UNC80: variants seen among roughly 807,000 people sequenced by gnomAD.
UNC80 encodes the protein unc-80 subunit of NALCN channel complex.
Under a neutral mutation model 384.6 loss-of-function variants are expected in UNC80, and 164 were observed. That is an observed-to-expected ratio of 0.43 (90% CI 0.38 to 0.49). The LOEUF is 0.49. Among genes scored for constraint, UNC80 ranks in the 20% least tolerant of loss-of-function variants. The probability of loss-of-function intolerance (pLI) is 0.00; values close to 1 mark genes in which losing one functional copy is unlikely to be tolerated. For synonymous variants in UNC80, 1,486 were observed against 1,527.8 expected, an observed-to-expected ratio of 0.97 and a Z score of 0.64; for missense variants, 3,330 against 4,143.0, an observed-to-expected ratio of 0.80 and a Z score of 5.39.
chr2:209,829,480 A>T, intron 15 of UNC80, 101 bp downstream of exon 15: 1 of 1,262,990 alleles, frequency 7.9e-7, no homozygotes, highest in East Asian at 2.5e-5. Context: ...ATTTAGAGGA[A>T]AAGATACGTA....
intron 38 of UNC80, among the ~76,000 whole-genome samples, chr2:209,932,451 G>T (rs2090950801): frequency 6.6e-6 from 1 of 152,152 alleles, no homozygotes; most frequent in South Asian, 2.1e-4. Context: ...TGTGGAAAGA[G>T]CCCAAAGAGG....
At chr2:209,929,251 C>G (rs1451175399) in intron 36 of UNC80, among the ~76,000 whole-genome samples, 8 of 152,166 alleles carry the variant, frequency 5.3e-5, no homozygotes, top group Non-Finnish European at 1.2e-4. Flanking sequence ...TACCCACTTG[C>G]TTTCTTAGTC....
At chr2:209,905,897 C>G (rs2088137497) in intron 29 of UNC80, among the ~76,000 whole-genome samples, 1 of 152,202 alleles carries the variant, frequency 6.6e-6, no homozygotes, top group Admixed American at 6.5e-5. Flanking sequence ...AAATTTTCCA[C>G]CTGCCCCTGA....
chr2:209,971,021 G>A lies in UNC80; in HGVS notation c.8256+64G>A, dbSNP rs1365780777. On this transcript the variant is annotated intron_variant, in intron 54 of 64. Transcript: ENST00000673920. ...GCTGGTTGAGGCACCAGATCATGGT[G>A]TTCTCGTTTTTTTCTGCAAAGGCTG... 12 of 1,498,436 alleles carry A rather than the reference G, an allele frequency of 8.0e-6. No homozygotes were observed. In the East Asian group the frequency reaches 3.0e-4, roughly 37 times the overall value. 92.8% of individuals were successfully genotyped at this position (1,498,436 alleles called of 1,614,324 possible). A position where few individuals can be genotyped will look rare whatever the true frequency, so the allele number is the denominator to read the frequency against.
chr2:209,954,224 G>A lies in UNC80; in HGVS notation c.7411G>A (p.Ala2471Thr). 2 of 1,550,946 alleles carry A rather than the reference G, an allele frequency of 1.3e-6. No individual in the cohort carries two copies. The highest frequency in any genetic ancestry group is 1.7e-6 in the Non-Finnish European group (2 of 1,146,890). ...GGAGATTGCGGCCACTGCTGCTCTT[G>A]CGACGTCCCTACAGGCCCTTTTGTA... ...REEIAATAAL[A>T]TSLQALLYSV... The change falls in exon 48 of 65, where the codon GCG becomes ACG. Residue 2471 changes from alanine (A) to threonine (T), a missense_variant. Transcript: ENST00000673920.
rs1276181030 is a variant in UNC80, at chr2:209,816,921, A to G, written c.1348A>G (p.Lys450Glu). Residue 450 changes from lysine to glutamate, a missense_variant, in exon 10 of 65, where the codon AAA becomes GAA. Physicochemically the swap from Lys to Glu is moderately conservative, Grantham distance 56. This residue lies in a region of UNC80 where 937 missense variants were observed against 1,026.8 expected (regional missense o/e 0.91). Transcript: ENST00000673920. ...CTCATCACTGTAGTTCAAGAGCCGCAAAGAAGACCGAGAGAGGAAAGGCTC... is the reference window on the plus strand; with the variant it reads ...CTCATCACTGTAGTTCAAGAGCCGCGAAGAAGACCGAGAGAGGAAAGGCTC... ...MNIFKKFKSR[K>E]EDRERKGSIP... 1.3e-6 allele frequency: 2 copies of G among 1,551,674 alleles called. No individual in the cohort carries two copies. The highest frequency in any genetic ancestry group is 1.7e-6 in the Non-Finnish European group (2 of 1,146,994).
chr2:209,964,439 C>T (rs1385614760), intron 51 of UNC80, among the ~76,000 whole-genome samples: 6 of 152,040 alleles, frequency 3.9e-5, no homozygotes, highest in African/African-American at 4.8e-5. Flanking sequence ...TAAATTACAC[C>T]GTGGAGATTC....
intron 53 of UNC80, chr2:209,970,206 C>CTT: frequency 3.2e-6 from 1 of 313,272 alleles, no homozygotes; most frequent in Non-Finnish European, 5.9e-6. Context: ...GCACAATTGG[C>CTT]TAGAAGTTGA....
chr2:209,896,350 G>A lies in UNC80; in HGVS notation c.4518G>A (p.Glu1506=), dbSNP rs2086795254. 6.4e-7 allele frequency: 1 copy of A among 1,551,714 alleles called. No individual in the cohort carries two copies. ...GGAGTGCAAGCGAGCCCAGCATTGA[G>A]CCAGAGGGAATGAGTAATGCCGGCG... The part of the protein sequence containing the change: ...SPWSASEPSI[E]PEGMSNAGAE... The change falls in exon 28 of 65, where the codon GAG becomes GAA. Residue 1506 remains glutamate, a synonymous_variant. Transcript: ENST00000673920.
At chr2:209,950,063 C>T (rs2092097334) in intron 47 of UNC80, among the ~76,000 whole-genome samples, 1 of 151,906 alleles carries the variant, frequency 6.6e-6, no homozygotes, top group Admixed American at 6.6e-5. Context: ...AACTCCTGAG[C>T]TCAAGTGTTC....
chr2:209,968,121 T>A (rs1254245342), intron 52 of UNC80: 1 of 153,556 alleles, frequency 6.5e-6, no homozygotes, highest in Non-Finnish European at 1.4e-5. Context: ...AACAAACACC[T>A]AGTTTTCACT....
chr2:209,826,552 C>T (rs182806481), intron 14 of UNC80, among the ~76,000 whole-genome samples: 2 of 152,228 alleles, frequency 1.3e-5, no homozygotes, highest in East Asian at 3.9e-4. Context: ...CATTTTCTGG[C>T]TGCTTTATTT....
chr2:209,995,157 G>A (rs1326363489), intron 64 of UNC80, among the ~76,000 whole-genome samples, 172 bp from the exon 65 acceptor site: 1 of 152,180 alleles, frequency 6.6e-6, no homozygotes, highest in Non-Finnish European at 1.5e-5. Context: ...TTCAAAAACT[G>A]AGGGTTAGAA....
chr2:209,867,116 ATTAT>A lies in UNC80; in HGVS notation c.3628-5638_3628-5635del, dbSNP rs1218851566. Reference sequence around the variant, plus strand: ...ATTCCTTGGCACTTTATCTGTAGGAATTATTTAAGACCTGTGTTAGAAGTAGTGT... The same window carrying A: ...ATTCCTTGGCACTTTATCTGTAGGAATTAAGACCTGTGTTAGAAGTAGTGT... On this transcript the variant is annotated intron_variant, in intron 22 of 64. Coordinates refer to ENST00000673920, the MANE Select transcript of UNC80 (RefSeq NM_001371986.1). Among the ~76,000 whole-genome samples, 3 of 152,246 alleles carry A rather than the reference ATTAT, an allele frequency of 2.0e-5. No homozygotes were observed. The East Asian group carries it at 5.8e-4, about 29-fold the overall frequency.
intron 27 of UNC80, among the ~76,000 whole-genome samples, chr2:209,895,416 C>G (rs1396089449): frequency 6.6e-6 from 1 of 152,130 alleles, no homozygotes; most frequent in Non-Finnish European, 1.5e-5. Context: ...ATAGAAAATG[C>G]TTCTGTATCC....
In UNC80 at chr2:209,954,321, G is replaced by GAA. The variant is rs10713676; in HGVS notation, c.7457+62_7457+63dup. ...CAGCCTTACATCATATGTTTCCACT[G>GAA]AAAAAAAAAAAATAAGAAAAAAATG... On this transcript the variant is annotated intron_variant, in intron 48 of 64. Transcript: ENST00000673920. 4,552 of 996,106 alleles carry GAA rather than the reference G, an allele frequency of 4.6e-3. 92 individuals are homozygous for GAA. The African/African-American group carries it at 0.066, about 14-fold the overall frequency. 61.7% of individuals were successfully genotyped at this position (996,106 alleles called of 1,614,324 possible). A position where few individuals can be genotyped will look rare whatever the true frequency, so the allele number is the denominator to read the frequency against.
At chr2:209,812,979 CTTATT>C (rs1191196088) in intron 7 of UNC80, among the ~76,000 whole-genome samples, 2 of 152,120 alleles carry the variant, frequency 1.3e-5, no homozygotes, top group Non-Finnish European at 2.9e-5. Flanking sequence ...AATTTTCAAA[CTTATT>C]TTATTTATTT....
rs2091895615 is a variant in UNC80, at chr2:209,945,948, C to G, written c.7286+5C>G. ...TGCTCCCGAATCATTCAGAAGGTAT[C>G]TGCAGCCCTTTATTCTGTGCCTTGT... On this transcript the variant is annotated splice_donor_5th_base_variant and intron_variant, in intron 47 of 64. Coordinates refer to ENST00000673920, the MANE Select transcript of UNC80 (RefSeq NM_001371986.1). 2 of 1,544,132 alleles carry G rather than the reference C, an allele frequency of 1.3e-6. No individual in the cohort carries two copies. The highest frequency in any genetic ancestry group is 1.8e-6 in the Non-Finnish European group (2 of 1,140,204).
chr2:209,924,616 T>A (rs977877357), intron 35 of UNC80, among the ~76,000 whole-genome samples: 12 of 152,092 alleles, frequency 7.9e-5, no homozygotes, highest in African/African-American at 2.9e-4. Flanking sequence ...CTTGTACATA[T>A]GTACAGCCAT....
Sources: allele counts gnomAD v4.1 joint callset (sites outside exome capture counted in the v4.1 genomes callset), GRCh38; gene constraint gnomAD v4.1.1; regional missense constraint gnomAD v4.1.1; transcripts MANE v1.5; gene names NCBI Gene and HGNC (gene_info 2026-07-23, HGNC 2026-07-21).